The following COBL variants were observed in gnomAD, a reference collection of about 807,000 sequenced individuals.
The protein encoded by COBL is protein cordon-bleu.
A neutral mutation model predicts 98.8 loss-of-function variants in COBL; 51 were observed. That is an observed-to-expected ratio of 0.52 (90% CI 0.41 to 0.65). The LOEUF (loss-of-function observed/expected upper bound fraction) is 0.65, where lower values mean the gene tolerates loss of function less well. Among genes scored for constraint, COBL ranks in the 30% least tolerant of loss-of-function variants. The probability of loss-of-function intolerance (pLI) is 0.00; values close to 1 mark genes in which losing one functional copy is unlikely to be tolerated. For missense variants in COBL, 1,617 were observed against 1,617.5 expected (o/e 1.00, Z 0.01); for synonymous variants, 634 against 651.7 (o/e 0.97, Z 0.41).
chr7:51,178,246 T>A (rs1320084229), intron 5 of COBL, among the ~76,000 whole-genome samples: 3 of 152,094 alleles, frequency 2.0e-5, no homozygotes, highest in Admixed American at 1.3e-4. Context: ...TTTGCATGGC[T>A]TAAAGGTTAT....
chr7:51,152,659 T>C (rs996504704), intron 5 of COBL, among the ~76,000 whole-genome samples: 13 of 152,252 alleles, frequency 8.5e-5, no homozygotes, highest in Non-Finnish European at 1.9e-4. Flanking sequence ...CTATGTTTTC[T>C]GTTGCTAAGA....
At chr7:51,150,885 G>A (rs947829999) in intron 5 of COBL, among the ~76,000 whole-genome samples, 2 of 152,052 alleles carry the variant, frequency 1.3e-5, no homozygotes, top group Admixed American at 6.6e-5. Flanking sequence ...CCCAGATATG[G>A]GCCCACGCTT....
At chr7:51,061,998 A>G (rs564498229) in intron 7 of COBL, among the ~76,000 whole-genome samples, 7 of 132,372 alleles carry the variant, frequency 5.3e-5, no homozygotes, top group South Asian at 2.4e-4. Context: ...AATATATCCT[A>G]TTGTTCTGTA....
At chr7:51,156,174 G>A (rs1453104835) in intron 5 of COBL, 10 of 984,540 alleles carry the variant, frequency 1.0e-5, no homozygotes, top group Admixed American at 6.2e-5. Flanking sequence ...GATTTTTGTA[G>A]TTCAACCAAA....
At position 51,016,471 on chromosome 7, in the gene COBL, A is replaced by C. The variant is rs1786295581; in HGVS notation, c.*1080T>G. 1 of 153,256 alleles carries C rather than the reference A, an allele frequency of 6.5e-6. No homozygotes were observed. The highest frequency in any genetic ancestry group is 1.5e-5 in the Non-Finnish European group (1 of 68,848). 9.5% of individuals were successfully genotyped at this position (153,256 alleles called of 1,614,324 possible). ...TCTATTACTTTTTTCAATATAACAA[A>C]ATGTTTTAGAGATATATATGAAAAA... On this transcript the variant is annotated 3_prime_UTR_variant, in exon 13 of 13. Coordinates refer to ENST00000265136, the MANE Select transcript of COBL (RefSeq NM_015198.5).
At chr7:51,183,279 C>T (rs1235207191) in intron 5 of COBL, among the ~76,000 whole-genome samples, 1 of 152,152 alleles carries the variant, frequency 6.6e-6, no homozygotes, top group Non-Finnish European at 1.5e-5. Context: ...CCAAACTGAG[C>T]TAGTGGAATT....
At chr7:51,241,080 T>TA in intron 1 of COBL, among the ~76,000 whole-genome samples, 1 of 152,192 alleles carries the variant, frequency 6.6e-6, no homozygotes, top group East Asian at 1.9e-4. Context: ...TAGGACCTGG[T>TA]AACCCTGCTG....
intron 1 of COBL, among the ~76,000 whole-genome samples, chr7:51,220,458 T>A (rs1194476481): frequency 6.6e-6 from 1 of 152,158 alleles, no homozygotes; most frequent in Non-Finnish European, 1.5e-5. Flanking sequence ...CACCACCACC[T>A]GTCCACACGG....
At chr7:51,269,117 A>G (rs901052271) in intron 1 of COBL, among the ~76,000 whole-genome samples, 23 of 151,946 alleles carry the variant, frequency 1.5e-4, no homozygotes, top group South Asian at 1.0e-3. Flanking sequence ...TGTGTCCCCA[A>G]GCACTCCTGG....
intron 1 of COBL, among the ~76,000 whole-genome samples, chr7:51,230,653 T>C (rs540837929): frequency 1.3e-5 from 2 of 152,348 alleles, no homozygotes; most frequent in African/African-American, 4.8e-5. Flanking sequence ...AAGATGAATA[T>C]TCCTCAAGGA....
At chr7:51,145,824 C>T (rs967792404) in intron 5 of COBL, among the ~76,000 whole-genome samples, 21 of 152,188 alleles carry the variant, frequency 1.4e-4, no homozygotes, top group Non-Finnish European at 2.5e-4. Flanking sequence ...TTTGAACAGC[C>T]GTCTTTCGTG....
At chr7:51,265,112 G>T (rs929055480) in intron 1 of COBL, among the ~76,000 whole-genome samples, 1 of 152,170 alleles carries the variant, frequency 6.6e-6, no homozygotes, top group African/African-American at 2.4e-5. Context: ...CCCCACTCAA[G>T]AAAGTCTACA....
chr7:51,305,480 G>A (rs1287173610), intron 1 of COBL, among the ~76,000 whole-genome samples: 1 of 152,200 alleles, frequency 6.6e-6, no homozygotes, highest in African/African-American at 2.4e-5. Flanking sequence ...TTAAAATAAA[G>A]AGACAAAAGG....
intron 5 of COBL, among the ~76,000 whole-genome samples, chr7:51,137,278 T>C (rs1799327733): frequency 6.6e-6 from 1 of 152,192 alleles, no homozygotes; most frequent in Middle Eastern, 3.2e-3. Flanking sequence ...TTAGACGAGG[T>C]ATTTTTTGGT....
At chr7:51,220,964 C>G (rs1000454099) in intron 1 of COBL, among the ~76,000 whole-genome samples, 1 of 152,068 alleles carries the variant, frequency 6.6e-6, no homozygotes, top group Admixed American at 6.6e-5. Context: ...GATTTAAGAA[C>G]CTTACTTTAT....
chr7:51,221,207 T>TA (rs776218825), intron 1 of COBL, among the ~76,000 whole-genome samples: 9 of 152,122 alleles, frequency 5.9e-5, no homozygotes, highest in Non-Finnish European at 1.2e-4. Context: ...ATACCCTAGT[T>TA]AGAGGGTCCA....
chr7:51,273,025 G>C (rs1418266700), intron 1 of COBL, among the ~76,000 whole-genome samples: 1 of 151,944 alleles, frequency 6.6e-6, no homozygotes, highest in Non-Finnish European at 1.5e-5. Context: ...TCAAATAATA[G>C]GGCATTGAAA....
intron 7 of COBL, among the ~76,000 whole-genome samples, chr7:51,054,081 T>A (rs1464378718): frequency 3.3e-5 from 5 of 152,164 alleles, no homozygotes. Context: ...CTCGGGAGGC[T>A]GAGGCAGAAG....
chr7:51,234,888 G>C (rs1795101208), intron 1 of COBL, among the ~76,000 whole-genome samples: 1 of 152,058 alleles, frequency 6.6e-6, no homozygotes, highest in Non-Finnish European at 1.5e-5. Context: ...TGGAAAGAGA[G>C]AGACAGAGAG....
Sources: gnomAD v4.1 joint callset for allele counts (sites outside exome capture counted in the v4.1 genomes callset) on GRCh38, gnomAD v4.1.1 for gene constraint, MANE v1.5 for transcripts, NCBI Gene and HGNC (gene_info 2026-07-23, HGNC 2026-07-21) for gene names.